The following JMJD1C variants were observed in gnomAD, a reference collection of about 807,000 sequenced individuals.
The protein encoded by JMJD1C is jumonji domain-containing protein 1C.
In JMJD1C, 31 loss-of-function variants were observed where a neutral mutation model predicts 245.3. That is an observed-to-expected ratio of 0.13 (90% CI 0.09 to 0.17). JMJD1C has a LOEUF of 0.17. JMJD1C is among the 10% of genes least tolerant of loss of function. JMJD1C has a pLI of 1.00. For missense variants in JMJD1C, 2,691 were observed against 3,000.2 expected, an observed-to-expected ratio of 0.90 and a Z score of 2.41; for synonymous variants, 1,057 against 1,017.4, an observed-to-expected ratio of 1.04 and a Z score of -0.74.
chr10:63,399,230 T>A (rs1244561252), intron 1 of JMJD1C, among the ~76,000 whole-genome samples: 1 of 152,210 alleles, frequency 6.6e-6, no homozygotes, highest in Non-Finnish European at 1.5e-5. Context: ...CTCCTAAGTC[T>A]TTTAGATACA....
intron 2 of JMJD1C, among the ~76,000 whole-genome samples, chr10:63,334,700 A>G (rs1308511659): frequency 2.7e-5 from 4 of 149,100 alleles, no homozygotes; most frequent in South Asian, 2.4e-4. Context: ...CAGCCTGGGC[A>G]ACAGAATGAG....
At position 63,213,793 on chromosome 10, in the gene JMJD1C, G is replaced by T. The variant is rs1334536056; in HGVS notation, c.2374C>A (p.His792Asn). Residue 792 changes from histidine to asparagine, a missense_variant, in exon 8 of 26, where the codon CAC becomes AAC. His to Asn is a moderately conservative substitution (Grantham distance 68, BLOSUM62 1). Transcript: ENST00000399262. The stretch of plus-strand genomic sequence containing the variant: ...AACACAGTGGGAAGTAAATGAGGGT[G>T]ATGAACAGCATGGTGTGGACCACTA... ...LTSGPHHAVHHPHLLPTVLPG... is the reference protein window; with the variant it reads ...LTSGPHHAVHNPHLLPTVLPG... 1 of 1,614,078 alleles carries T rather than the reference G, an allele frequency of 6.2e-7. No individual in the cohort carries two copies. The highest frequency in any genetic ancestry group is 8.5e-7 in the Non-Finnish European group (1 of 1,179,982).
intron 1 of JMJD1C, among the ~76,000 whole-genome samples, chr10:63,464,570 G>A (rs890133395): frequency 1.3e-5 from 2 of 151,878 alleles, no homozygotes; most frequent in East Asian, 1.9e-4. Context: ...TCTCTACTCC[G>A]CCCCTTACCT....
chr10:63,232,298 G>C (rs1850127857), intron 3 of JMJD1C, among the ~76,000 whole-genome samples: 1 of 151,814 alleles, frequency 6.6e-6, no homozygotes, highest in South Asian at 2.1e-4. Flanking sequence ...AAAAACCACT[G>C]ATCTTTTAAA....
intron 22 of JMJD1C, among the ~76,000 whole-genome samples, chr10:63,179,373 C>A (rs1843201235): frequency 6.6e-6 from 1 of 150,862 alleles, no homozygotes; most frequent in South Asian, 2.1e-4. Context: ...CACGCCATTG[C>A]ACTCCAGCCT....
rs1955167114 is a variant in JMJD1C, at chr10:63,520,261, G to A, written n.113+1477C>T. Among the ~76,000 whole-genome samples the A allele has an allele frequency of 2.0e-5, 3 of 152,190 alleles. No individual in the cohort carries two copies. In the South Asian group the frequency reaches 6.2e-4, roughly 32 times the overall value. ...CTCATATCACCCTTGAAAGGCAAGA[G>A]ACAGACTACAGTATTATTACCCCCT... On this transcript the variant is annotated intron_variant and non_coding_transcript_variant, in intron 1 of 3. Transcript: ENST00000633035.
In JMJD1C at chr10:63,214,410, T is replaced by C. The variant is rs758060444; in HGVS notation, c.1757A>G (p.Asn586Ser). The C allele has an allele frequency of 1.2e-5, 20 of 1,613,824 alleles. No homozygotes were observed. In the East Asian group the frequency reaches 2.2e-4, roughly 18 times the overall value. Residue 586 changes from asparagine to serine, a missense_variant, in exon 8 of 26, where the codon AAT (asparagine) becomes AGT (serine). Physicochemically the swap from Asn to Ser is conservative, Grantham distance 46. This residue lies in a region of JMJD1C where 1,562 missense variants were observed against 1,490.7 expected (regional missense o/e 1.05). Coordinates refer to ENST00000399262, the MANE Select transcript of JMJD1C (RefSeq NM_032776.3). ...CTCTTTTTCCATGTTCAAGTGATCATTTCCTGAAGAAGCATTTGTAACACT... is the reference window on the plus strand; with the variant it reads ...CTCTTTTTCCATGTTCAAGTGATCACTTCCTGAAGAAGCATTTGTAACACT... ...QSSVTNASSG[N>S]DHLNMEKEKY...
chr10:63,517,331 T>A (rs79690181), intron 1 of JMJD1C, among the ~76,000 whole-genome samples: 1 of 152,196 alleles, frequency 6.6e-6, no homozygotes, highest in Admixed American at 6.5e-5. Context: ...GGAAAACTAA[T>A]ATTTAAAAGA....
chr10:63,503,446 C>T (rs1293717897), intron 1 of JMJD1C, among the ~76,000 whole-genome samples: 1 of 152,180 alleles, frequency 6.6e-6, no homozygotes, highest in East Asian at 1.9e-4. Context: ...GAGATCCTTT[C>T]TATGAAAAGT....
At chr10:63,414,940 A>G (rs75850806) in intron 1 of JMJD1C, among the ~76,000 whole-genome samples, 3,213 of 150,988 alleles carry the variant, frequency 0.021, 114 homozygotes, top group African/African-American at 0.072. Flanking sequence ...ACACTAGAGA[A>G]AAAAAAAAAA....
rs71025135 is a variant in JMJD1C at position 63,247,719 on chromosome 10, C to CAAAAAAA, written c.447+16925_447+16931dup. On this transcript the variant is annotated intron_variant, in intron 3 of 25. Transcript: ENST00000399262. ...CGCACACCAGCCTGGGTGACAGAGC[C>CAAAAAAA]AAAAAAAAAAAAAAAAAAAGAAACA... 2.6e-3 allele frequency among the ~76,000 whole-genome samples: 271 copies of CAAAAAAA among 105,348 alleles called. 8 individuals carry two copies. In the East Asian group the frequency reaches 0.041, roughly 16 times the overall value. 69.1% of individuals were successfully genotyped at this position (105,348 alleles called of 152,430 possible).
At chr10:63,394,683 A>C (rs1040554371) in intron 1 of JMJD1C, among the ~76,000 whole-genome samples, 43 of 152,126 alleles carry the variant, frequency 2.8e-4, no homozygotes, top group African/African-American at 9.7e-4. Flanking sequence ...TGTGTCTACT[A>C]ATAATACAAA....
chr10:63,201,203 A>G (rs1044174684), intron 10 of JMJD1C, among the ~76,000 whole-genome samples: 78 of 152,176 alleles, frequency 5.1e-4, no homozygotes, highest in African/African-American at 1.8e-3. Context: ...ACAAGTGGTA[A>G]TTTTATAAAA....
intron 1 of JMJD1C, among the ~76,000 whole-genome samples, chr10:63,476,742 CAAACAA>C (rs1953673465): frequency 6.6e-6 from 1 of 151,934 alleles, no homozygotes; most frequent in Admixed American, 6.6e-5. Context: ...AATAAGTAGA[CAAACAA>C]AATTTTAAAA....
At chr10:63,427,768 A>T in intron 1 of JMJD1C, 9 of 1,355,400 alleles carry the variant, frequency 6.6e-6, no homozygotes, top group Non-Finnish European at 9.5e-6. Context: ...CGTGACCAAG[A>T]CTATGAAGGG....
intron 3 of JMJD1C, among the ~76,000 whole-genome samples, chr10:63,262,702 G>A (rs1324292159): frequency 6.6e-6 from 1 of 152,154 alleles, no homozygotes; most frequent in Admixed American, 6.5e-5. Context: ...GGGTGACTTA[G>A]TATATACACT....
intron 1 of JMJD1C, among the ~76,000 whole-genome samples, chr10:63,426,738 T>C (rs1950463395): frequency 6.6e-6 from 1 of 152,160 alleles, no homozygotes; most frequent in South Asian, 2.1e-4. Flanking sequence ...AAAATCTCAT[T>C]TCACAAGAAA....
At chr10:63,246,592 T>C (rs1393156042) in intron 3 of JMJD1C, among the ~76,000 whole-genome samples, 1 of 151,978 alleles carries the variant, frequency 6.6e-6, no homozygotes, top group East Asian at 1.9e-4. Context: ...ATGTAAGATA[T>C]AAGTTCTTCA....
chr10:63,277,215 T>C (rs186954287), intron 2 of JMJD1C, among the ~76,000 whole-genome samples: 103 of 150,730 alleles, frequency 6.8e-4, no homozygotes, highest in African/African-American at 2.4e-3. Flanking sequence ...TTTTTTTTAA[T>C]CAATGTTGAC....
Sources: gnomAD v4.1 joint callset for allele counts (sites outside exome capture counted in the v4.1 genomes callset) on GRCh38, gnomAD v4.1.1 for gene constraint, gnomAD v4.1.1 regional missense constraint, MANE v1.5 for transcripts, NCBI Gene and HGNC (gene_info 2026-07-23, HGNC 2026-07-21) for gene names.